Variants in GRID2 observed in about 807,000 individuals in gnomAD.
The protein encoded by GRID2 is glutamate receptor ionotropic, delta-2.
A neutral mutation model predicts 114.8 loss-of-function variants in GRID2; 33 were observed. That is an observed-to-expected ratio of 0.29 (90% confidence interval 0.22 to 0.38). The LOEUF is 0.38. Among genes scored for constraint, GRID2 ranks in the 10% least tolerant of loss-of-function variants. The pLI, the probability that GRID2 is intolerant of heterozygous loss-of-function variation, is 1.00. For synonymous variants in GRID2, 505 were observed against 449.9 expected, an observed-to-expected ratio of 1.12 and a Z score of -1.55; for missense variants, 1,184 against 1,257.7, an observed-to-expected ratio of 0.94 and a Z score of 0.89.
At chr4:93,626,107 G>A (rs900078993) in intron 13 of GRID2, among the ~76,000 whole-genome samples, 162 bp from the exon 14 acceptor site, 1 of 152,102 alleles carries the variant, frequency 6.6e-6, no homozygotes, top group African/African-American at 2.4e-5. Flanking sequence ...ATCCACAGGG[G>A]TTCTGAAATC....
chr4:92,972,634 G>T (rs923991020), intron 2 of GRID2, among the ~76,000 whole-genome samples: 3 of 151,520 alleles, frequency 2.0e-5, no homozygotes, highest in Admixed American at 6.6e-5. Context: ...AAGTTCAGGG[G>T]TGCAAGTTCA....
At chr4:92,924,054 G>A (rs979252255) in intron 2 of GRID2, among the ~76,000 whole-genome samples, 2 of 152,110 alleles carry the variant, frequency 1.3e-5, no homozygotes, top group African/African-American at 4.8e-5. Context: ...ATACACCATG[G>A]AATACTATGC....
intron 1 of GRID2, among the ~76,000 whole-genome samples, chr4:92,443,043 G>T (rs983236829): frequency 2.6e-5 from 4 of 152,166 alleles, no homozygotes; most frequent in African/African-American, 7.2e-5. Flanking sequence ...GAGGTCAGAT[G>T]GGTCTGTAGA....
intron 13 of GRID2, among the ~76,000 whole-genome samples, chr4:93,596,053 C>A (rs1447157498): frequency 6.6e-6 from 1 of 152,138 alleles, no homozygotes; most frequent in Non-Finnish European, 1.5e-5. Flanking sequence ...TGTGGCAGAA[C>A]TGGGTTCGAA....
intron 2 of GRID2, chr4:92,821,862 A>C (rs1365197547): frequency 6.5e-6 from 1 of 153,878 alleles, no homozygotes; most frequent in Non-Finnish European, 1.4e-5. Context: ...CAGCCACTTA[A>C]ATACTTTCTC....
chr4:93,228,114 C>T (rs965922354), intron 7 of GRID2, among the ~76,000 whole-genome samples: 1 of 152,104 alleles, frequency 6.6e-6, no homozygotes, highest in African/African-American at 2.4e-5. Flanking sequence ...ACAACAGCTC[C>T]ACTTATTGGT....
chr4:92,505,376 T>A (rs1007330103), intron 1 of GRID2, among the ~76,000 whole-genome samples: 2 of 152,036 alleles, frequency 1.3e-5, no homozygotes, highest in Non-Finnish European at 2.9e-5. Context: ...TATCAAGTGC[T>A]CCTAAATTAT....
rs80333121 is a variant in GRID2 at position 93,302,447 on chromosome 4, T to C, written c.1245+63957T>C. 3,861 of 404,182 alleles carry C rather than the reference T, an allele frequency of 9.6e-3. 84 individuals carry two copies. The highest frequency in any genetic ancestry group is 0.052 in the African/African-American group (2,568 of 49,186). The allele number at this position is 404,182 out of a possible 1,614,324, so 25.0% of individuals were successfully genotyped here. A position where few individuals can be genotyped will look rare whatever the true frequency, so the allele number is the denominator to read the frequency against. ...GTCTTCAGAAGGTCCTGTATGCCAGTTATGCCCCATCACTAACAGGCAGAG... is the reference window on the plus strand; with the variant it reads ...GTCTTCAGAAGGTCCTGTATGCCAGCTATGCCCCATCACTAACAGGCAGAG... On this transcript the variant is annotated intron_variant, in intron 8 of 15. Coordinates refer to ENST00000282020, the MANE Select transcript of GRID2 (RefSeq NM_001510.4).
At chr4:93,198,654 G>A (rs1293059583) in intron 4 of GRID2, among the ~76,000 whole-genome samples, 1 of 152,076 alleles carries the variant, frequency 6.6e-6, no homozygotes, top group Non-Finnish European at 1.5e-5. Flanking sequence ...ACTGCCTGGA[G>A]TTAGAGAGGT....
intron 9 of GRID2, 116 bp downstream of exon 9, chr4:93,395,824 GCTTT>G (rs1268162092): frequency 1.9e-6 from 1 of 515,656 alleles, no homozygotes; most frequent in Non-Finnish European, 3.6e-6. Context: ...TTCTAAATAC[GCTTT>G]CTAAGATTTT....
At chr4:93,752,408 T>C (rs1732403216) in intron 14 of GRID2, among the ~76,000 whole-genome samples, 1 of 150,932 alleles carries the variant, frequency 6.6e-6, no homozygotes, top group Non-Finnish European at 1.5e-5. Flanking sequence ...TCTTGCTCTG[T>C]CATCCAGGCT....
At chr4:92,468,931 G>A (rs1721888653) in intron 1 of GRID2, among the ~76,000 whole-genome samples, 1 of 152,126 alleles carries the variant, frequency 6.6e-6, no homozygotes, top group Admixed American at 6.6e-5. Context: ...CAGAGACAAG[G>A]CACTGTGAAG....
At chr4:93,042,728 G>A (rs1350241096) in intron 2 of GRID2, among the ~76,000 whole-genome samples, 1 of 146,272 alleles carries the variant, frequency 6.8e-6, no homozygotes, top group African/African-American at 2.5e-5. Flanking sequence ...TATATAGAGA[G>A]AGAGATAGAG....
intron 3 of GRID2, among the ~76,000 whole-genome samples, chr4:93,092,696 T>C (rs1730887818): frequency 6.6e-6 from 1 of 152,080 alleles, no homozygotes; most frequent in African/African-American, 2.4e-5. Context: ...GTAACCCTGA[T>C]GTAATCTTGA....
intron 8 of GRID2, among the ~76,000 whole-genome samples, chr4:93,356,489 T>C (rs1029919059): frequency 1.3e-5 from 2 of 152,000 alleles, no homozygotes; most frequent in African/African-American, 4.8e-5. Context: ...GTTTCATTTA[T>C]GGAAAATGCT....
At chr4:92,909,322 C>T (rs1420407726) in intron 2 of GRID2, among the ~76,000 whole-genome samples, 3 of 151,174 alleles carry the variant, frequency 2.0e-5, no homozygotes, top group African/African-American at 7.3e-5. Context: ...ATAGCCATCT[C>T]TCCTATATAT....
intron 2 of GRID2, among the ~76,000 whole-genome samples, chr4:92,825,884 G>A (rs1259646173): frequency 6.6e-6 from 1 of 152,076 alleles, no homozygotes; most frequent in African/African-American, 2.4e-5. Flanking sequence ...CCCATGTTAG[G>A]AGAAATATTA....
chr4:92,696,007 A>G (rs188703740), intron 2 of GRID2, among the ~76,000 whole-genome samples: 117 of 152,314 alleles, frequency 7.7e-4, no homozygotes, highest in Non-Finnish European at 1.4e-3. Flanking sequence ...TAAATGAAAT[A>G]CATATGCTTC....
intron 9 of GRID2, among the ~76,000 whole-genome samples, chr4:93,422,112 C>T (rs181328935): frequency 3.3e-5 from 5 of 151,924 alleles, no homozygotes; most frequent in Admixed American, 2.6e-4. Context: ...TTTAAAAAGA[C>T]AAAAATGGGA....
Sources: gnomAD v4.1 joint callset for allele counts (sites outside exome capture counted in the v4.1 genomes callset) on GRCh38, gnomAD v4.1.1 for gene constraint, MANE v1.5 for transcripts, NCBI Gene and HGNC (gene_info 2026-07-23, HGNC 2026-07-21) for gene names.